TMEM131L: variants seen among roughly 807,000 people sequenced by gnomAD.
TMEM131L encodes transmembrane 131 like.
A neutral mutation model predicts 192.2 loss-of-function variants in TMEM131L; 54 were observed. The ratio of observed to expected loss-of-function variants is 0.28; its 90% CI spans 0.23 to 0.35. TMEM131L has a LOEUF of 0.35. TMEM131L is among the 10% of genes least tolerant of loss of function. TMEM131L has a pLI of 1.00. For synonymous variants in TMEM131L, 701 were observed against 704.9 expected (o/e 0.99, Z 0.09); for missense variants, 1,888 against 1,972.9 (o/e 0.96, Z 0.82).
Position 153,555,946 on chromosome 4 carries a change from G to A in TMEM131L, c.432+36G>A, listed in dbSNP as rs372524546. On this transcript the variant is annotated intron_variant, in intron 5 of 34. Transcript: ENST00000409959. The surrounding 1 kb of genome is among the most constrained non-coding windows in gnomAD (Gnocchi z 4.1). ...ATGGACTCCTGGAAACTATGCCGTG[G>A]CAGGCAGCCAGGTTTTCTTGCTTTC... 4.2e-5 allele frequency: 64 copies of A among 1,541,292 alleles called. No individual in the cohort carries two copies. The highest frequency in any genetic ancestry group is 2.6e-5 in the Non-Finnish European group (30 of 1,141,390).
chr4:153,509,227 G>A (rs1041013092), intron 3 of TMEM131L, among the ~76,000 whole-genome samples: 1 of 151,736 alleles, frequency 6.6e-6, no homozygotes, highest in Non-Finnish European at 1.5e-5. Context: ...TGGGCATGGT[G>A]GTGGCATGCA....
chr4:153,594,476 A>T (rs1485997523), intron 19 of TMEM131L, among the ~76,000 whole-genome samples: 1 of 152,222 alleles, frequency 6.6e-6, no homozygotes, highest in African/African-American at 2.4e-5. Flanking sequence ...GTGGCTATTT[A>T]TATACAGCTG....
Position 153,636,373 on chromosome 4 carries a change from G to A in TMEM131L, c.4630G>A (p.Asp1544Asn), listed in dbSNP as rs1382893993. 3.1e-6 allele frequency: 5 copies of A among 1,614,054 alleles called. No homozygotes were observed. The highest frequency in any genetic ancestry group is 4.5e-5 in the East Asian group (2 of 44,880). Residue 1544 changes from aspartate to asparagine, a missense_variant, in exon 35 of 35, where the codon GAT becomes AAT. By Grantham distance (23) the Asp-to-Asn change is conservative (BLOSUM62 1). Transcript: ENST00000409959. ...TGGTTCCATCTGGGCCCCGCAAAGC[G>A]ATGTGTATGAAAATTGCTGCCCCAT... The part of the protein sequence containing the change: ...LFGSIWAPQS[D>N]VYENCCPINP...
chr4:153,626,791 T>C (rs952134869), intron 30 of TMEM131L, among the ~76,000 whole-genome samples: 1 of 152,148 alleles, frequency 6.6e-6, no homozygotes, highest in African/African-American at 2.4e-5. Flanking sequence ...TTTCTGAATA[T>C]AGAAGGAGGA....
chr4:153,562,911 T>C (rs1300272715), intron 7 of TMEM131L, among the ~76,000 whole-genome samples: 2 of 152,220 alleles, frequency 1.3e-5, no homozygotes, highest in Admixed American at 1.3e-4. Flanking sequence ...AAGATGATAG[T>C]AGTAATTTAA....
chr4:153,577,511 A>C (rs1298768340), intron 7 of TMEM131L, among the ~76,000 whole-genome samples: 1 of 152,182 alleles, frequency 6.6e-6, no homozygotes, highest in Non-Finnish European at 1.5e-5. Flanking sequence ...CAACTCTGCT[A>C]TCATAGCACG....
In TMEM131L at chr4:153,602,323, G is replaced by A. The variant is rs1254369682; in HGVS notation, c.2438G>A (p.Arg813His). ...TTTTCCCTGGACCCAAACACATCCC[G>A]CGATATCAGCATTGTGTAAGCATTG... The part of the protein sequence containing the change: ...HQFSLDPNTS[R>H]DISIVFTPDF... Residue 813 changes from arginine (R) to histidine (H), a missense_variant, in exon 22 of 35, where the codon CGC becomes CAC. Arg to His is a conservative substitution (Grantham distance 29). Transcript: ENST00000409959. 12 of 1,613,200 alleles carry A rather than the reference G, an allele frequency of 7.4e-6. No individual in the cohort carries two copies. The highest frequency in any genetic ancestry group is 4.5e-5 in the East Asian group (2 of 44,896).
intron 7 of TMEM131L, among the ~76,000 whole-genome samples, chr4:153,567,377 G>A (rs1192684137): frequency 1.3e-5 from 2 of 152,178 alleles, no homozygotes; most frequent in Non-Finnish European, 2.9e-5. Flanking sequence ...GTAACATTTT[G>A]TTGTAGTTTT....
intron 15 of TMEM131L, 147 bp from the exon 16 acceptor site, chr4:153,588,743 A>C: frequency 3.6e-6 from 2 of 557,216 alleles, no homozygotes; most frequent in Non-Finnish European, 6.4e-6. Flanking sequence ...AGGGACTTTT[A>C]ATAAATAAGC....
intron 7 of TMEM131L, among the ~76,000 whole-genome samples, chr4:153,568,608 A>G (rs1729381913): frequency 1.4e-5 from 2 of 140,262 alleles, no homozygotes; most frequent in Admixed American, 6.8e-5. Context: ...TTACCTGGCA[A>G]TATAACATGT....
chr4:153,486,896 G>A (rs1012157912), intron 3 of TMEM131L, among the ~76,000 whole-genome samples: 3 of 152,218 alleles, frequency 2.0e-5, no homozygotes, highest in Non-Finnish European at 4.4e-5. Context: ...AAGGCCGACA[G>A]CAGTGTGTGC....
intron 6 of TMEM131L, among the ~76,000 whole-genome samples, chr4:153,557,770 G>C (rs1171589694): frequency 6.6e-6 from 1 of 152,256 alleles, no homozygotes; most frequent in Non-Finnish European, 1.5e-5. Flanking sequence ...GGAACATTCA[G>C]CTTAAATACA....
chr4:153,592,427 G>C, intron 17 of TMEM131L, 48 bp from the exon 18 acceptor site: 1 of 1,248,334 alleles, frequency 8.0e-7, no homozygotes, highest in Non-Finnish European at 1.2e-6. Flanking sequence ...TCTCAGGAGG[G>C]ATGCTGTGTC....
At chr4:153,614,571 G>A (rs1013018465) in intron 26 of TMEM131L, among the ~76,000 whole-genome samples, 1 of 152,312 alleles carries the variant, frequency 6.6e-6, no homozygotes, top group African/African-American at 2.4e-5. Context: ...CCTGTGGACT[G>A]TGATCTTCCT....
intron 3 of TMEM131L, among the ~76,000 whole-genome samples, chr4:153,503,535 A>T (rs1288623613): frequency 6.6e-6 from 1 of 152,222 alleles, no homozygotes; most frequent in Admixed American, 6.5e-5. Context: ...CTGTTAGGAT[A>T]TACTATTGGG....
chr4:153,635,366 TGAGA>T (rs1285453500), intron 33 of TMEM131L, 62 bp from the exon 34 acceptor site: 5 of 1,524,752 alleles, frequency 3.3e-6, no homozygotes, highest in Admixed American at 1.7e-5. Flanking sequence ...CTTTTTTGCC[TGAGA>T]GTGAGAATTC....
At chr4:153,492,491 T>A (rs1005323347) in intron 3 of TMEM131L, among the ~76,000 whole-genome samples, 2 of 152,250 alleles carry the variant, frequency 1.3e-5, no homozygotes, top group Admixed American at 1.3e-4. Context: ...ATAGGCGGAA[T>A]CTCAAGGTTG....
intron 26 of TMEM131L, 119 bp from the exon 27 acceptor site, chr4:153,620,637 C>G (rs185101623): frequency 4.1e-4 from 222 of 537,268 alleles, no homozygotes; most frequent in Admixed American, 7.4e-4. Flanking sequence ...CAACATACTT[C>G]TCAGTTTTCA....
intron 3 of TMEM131L, among the ~76,000 whole-genome samples, chr4:153,482,098 C>A (rs1023401185): frequency 2.0e-5 from 3 of 152,194 alleles, no homozygotes; most frequent in Admixed American, 1.3e-4. Flanking sequence ...CCTGCCTCGG[C>A]CTCCCAAAGT....
Sources: gnomAD v4.1 joint callset for allele counts (sites outside exome capture counted in the v4.1 genomes callset) on GRCh38, gnomAD v4.1.1 for gene constraint, Gnocchi (gnomAD v3.1) non-coding constraint, MANE v1.5 for transcripts, NCBI Gene and HGNC (gene_info 2026-07-23, HGNC 2026-07-21) for gene names.